The following AGAP1 variants were observed in gnomAD, a reference collection of about 807,000 sequenced individuals.
AGAP1 encodes the protein arf-GAP with GTPase, ANK repeat and PH domain-containing protein 1.
AGAP1 carries 29 observed loss-of-function variants against 105.3 expected under a neutral mutation model. The observed-to-expected ratio is 0.28, with a 90% CI of 0.21 to 0.38. AGAP1 has a LOEUF of 0.38. AGAP1 is among the 10% of genes least tolerant of loss of function. The pLI, the probability that AGAP1 is intolerant of heterozygous loss-of-function variation, is 1.00. For synonymous variants in AGAP1, 509 were observed against 485.9 expected, an observed-to-expected ratio of 1.05 and a Z score of -0.63; for missense variants, 998 against 1,165.1, an observed-to-expected ratio of 0.86 and a Z score of 2.09.
intron 9 of AGAP1, among the ~76,000 whole-genome samples, chr2:235,847,008 A>G (rs1252760767): frequency 1.3e-5 from 2 of 152,208 alleles, no homozygotes; most frequent in Non-Finnish European, 2.9e-5. Flanking sequence ...ATTGCTTGAC[A>G]TGTCCCAGGT....
intron 9 of AGAP1, among the ~76,000 whole-genome samples, chr2:235,844,893 T>G (rs1961294314): frequency 6.6e-6 from 1 of 152,194 alleles, no homozygotes; most frequent in Non-Finnish European, 1.5e-5. Flanking sequence ...AAGATGGCCT[T>G]CTGTAAGACA....
At chr2:235,773,022 AG>A (rs536722898) in intron 6 of AGAP1, among the ~76,000 whole-genome samples, 82 of 152,326 alleles carry the variant, frequency 5.4e-4, no homozygotes, top group Admixed American at 1.6e-3. Context: ...GAGGGGGTCC[AG>A]GTTTTTGGCC....
intron 16 of AGAP1, among the ~76,000 whole-genome samples, chr2:236,115,709 T>C (rs2059753876): frequency 6.6e-6 from 1 of 152,200 alleles, no homozygotes; most frequent in African/African-American, 2.4e-5. Flanking sequence ...CAAAGCCCAG[T>C]GGCTGCCCCA....
chr2:235,612,102 G>A lies in AGAP1; in HGVS notation c.164-97077G>A, dbSNP rs147693142. Among the ~76,000 whole-genome samples the A allele has an allele frequency of 7.2e-4, 110 of 152,294 alleles. No homozygotes were observed. The highest frequency in any genetic ancestry group is 2.5e-3 in the African/African-American group (105 of 41,564). ...CATGCTTTATTTTCTACTTGTAATC[G>A]TAATCTGAGTGCAATTTCAGGACTT... On this transcript the variant is annotated intron_variant, in intron 1 of 17. Transcript: ENST00000304032. The surrounding 1 kb of genome is among the most constrained non-coding windows in gnomAD (Gnocchi z 4.3).
chr2:235,583,658 G>A (rs1162285288), intron 1 of AGAP1, among the ~76,000 whole-genome samples: 1 of 149,864 alleles, frequency 6.7e-6, no homozygotes, highest in East Asian at 2.0e-4. Flanking sequence ...AGGTGGATCA[G>A]TTGAGGCCAG....
Position 235,741,002 on chromosome 2 carries a change from G to C in AGAP1, c.350G>C (p.Ser117Thr), listed in dbSNP as rs749594933. The change falls in exon 4 of 18, where the codon AGC becomes ACC. Residue 117 changes from serine (S) to threonine (T), a missense_variant. Ser to Thr is a moderately conservative substitution (Grantham distance 58, BLOSUM62 1). This residue lies in a region of AGAP1 where 735 missense variants were observed against 833.4 expected (regional missense o/e 0.88). Transcript: ENST00000304032. The surrounding 1 kb of genome is among the most constrained non-coding windows in gnomAD (Gnocchi z 4.9). ...FKKEIVVDGQ[S>T]YLLLIRDEGG... is the part of the protein sequence containing the mutation. ...AAAGAGATTGTCGTTGATGGACAGA[G>C]CTATCTGCTGCTGATCAGAGATGAA... 6.2e-7 allele frequency: 1 copy of C among 1,614,204 alleles called. No homozygotes were observed. The highest frequency in any genetic ancestry group is 1.1e-5 in the South Asian group (1 of 91,090).
At position 236,062,412 on chromosome 2, in the gene AGAP1, T is replaced by C. The variant is rs1305694789; in HGVS notation, c.2114+13131T>C. Among the ~76,000 whole-genome samples the C allele has an allele frequency of 6.6e-6, 1 of 151,976 alleles. No homozygotes were observed. The highest frequency in any genetic ancestry group is 1.5e-5 in the Non-Finnish European group (1 of 68,006). On this transcript the variant is annotated intron_variant, in intron 16 of 17. Transcript: ENST00000304032. The surrounding 1 kb of genome is among the most constrained non-coding windows in gnomAD (Gnocchi z 4.2). ...GCAGAGCCAGGCTGGTATGGGATTC[T>C]AGGAGCATACTCAGGACTCGTATTT... is the stretch of plus-strand genomic sequence containing the variant.
intron 10 of AGAP1, among the ~76,000 whole-genome samples, chr2:235,886,010 T>C (rs2050258184): frequency 1.3e-5 from 2 of 152,182 alleles, no homozygotes; most frequent in African/African-American, 4.8e-5. Flanking sequence ...TGGGACCAGG[T>C]TGGCATCTCT....
chr2:235,774,687 G>A (rs1055427945), intron 6 of AGAP1, among the ~76,000 whole-genome samples: 4 of 152,160 alleles, frequency 2.6e-5, no homozygotes, highest in Non-Finnish European at 5.9e-5. Context: ...TCTTTATGGC[G>A]GTACTTTGAT....
At chr2:235,839,712 C>A (rs1290187513) in intron 9 of AGAP1, among the ~76,000 whole-genome samples, 5 of 152,198 alleles carry the variant, frequency 3.3e-5, no homozygotes, top group African/African-American at 1.2e-4. Flanking sequence ...TAAGAACAAC[C>A]ACTTTAGAAG....
intron 1 of AGAP1, among the ~76,000 whole-genome samples, chr2:235,616,540 A>G (rs922092280): frequency 1.3e-5 from 2 of 152,104 alleles, no homozygotes; most frequent in Non-Finnish European, 2.9e-5. Context: ...AACCCTAACA[A>G]TGTATTTGAC....
intron 1 of AGAP1, among the ~76,000 whole-genome samples, chr2:235,504,626 G>A (rs1278919906): frequency 1.3e-5 from 2 of 152,114 alleles, no homozygotes; most frequent in African/African-American, 4.8e-5. Context: ...ATTTCTGTCG[G>A]GTGTGTGCTG....
At chr2:235,795,010 A>G (rs968420135) in intron 6 of AGAP1, among the ~76,000 whole-genome samples, 33 of 152,272 alleles carry the variant, frequency 2.2e-4, no homozygotes, top group African/African-American at 7.5e-4. Flanking sequence ...TAAACCTATT[A>G]ACATTTAAAT....
rs1944766566 is a variant in AGAP1 at position 235,577,343 on chromosome 2, A to C, written c.163+82494A>C. Among the ~76,000 whole-genome samples the C allele has an allele frequency of 1.3e-5, 2 of 152,162 alleles. No homozygotes were observed. The highest frequency in any genetic ancestry group is 1.3e-4 in the Admixed American group (2 of 15,268). On this transcript the variant is annotated intron_variant, in intron 1 of 17. Transcript: ENST00000304032. The surrounding 1 kb of genome is among the most constrained non-coding windows in gnomAD (Gnocchi z 4.5). Reference sequence around the variant, plus strand: ...ATTCATCGCACATTTCAATTCGGCCACATTTTAGTGCTCAGTAGCACCTGT... The same window carrying C: ...ATTCATCGCACATTTCAATTCGGCCCCATTTTAGTGCTCAGTAGCACCTGT...
chr2:235,745,106 A>G (rs1026950362), intron 5 of AGAP1, among the ~76,000 whole-genome samples: 2 of 151,910 alleles, frequency 1.3e-5, no homozygotes, highest in Admixed American at 6.6e-5. Context: ...TGTTTTCTGG[A>G]AAAAAAATAT....
At chr2:235,933,516 G>A (rs944055180) in intron 12 of AGAP1, among the ~76,000 whole-genome samples, 1 of 149,984 alleles carries the variant, frequency 6.7e-6, no homozygotes, top group Admixed American at 6.7e-5. Context: ...GGTCTTGGTT[G>A]ATTCCTGTAT....
intron 2 of AGAP1, among the ~76,000 whole-genome samples, chr2:235,711,510 G>A (rs139998778): frequency 2.0e-5 from 3 of 152,304 alleles, no homozygotes; most frequent in South Asian, 4.1e-4. Flanking sequence ...ATTCTGAAAC[G>A]GACTGTCTTA....
intron 1 of AGAP1, among the ~76,000 whole-genome samples, chr2:235,598,568 C>T (rs58745360): frequency 0.055 from 8,386 of 152,212 alleles, 464 homozygotes; most frequent in African/African-American, 0.14. Context: ...TACTGGATGA[C>T]GTGAAACTAA....
rs1949753145 is a variant in AGAP1, at chr2:235,691,948, T to C, written c.164-17231T>C. ...GACATGCAGCATATTGTGAAATGTT[T>C]CAGAGAAATAACAGCATCACGATAG... On this transcript the variant is annotated intron_variant, in intron 1 of 17. Coordinates refer to ENST00000304032, the MANE Select transcript of AGAP1 (RefSeq NM_001037131.3). The surrounding 1 kb of genome is among the most constrained non-coding windows in gnomAD (Gnocchi z 4.4). Among the ~76,000 whole-genome samples, 2 of 152,186 alleles carry C rather than the reference T, an allele frequency of 1.3e-5. No homozygotes were observed. Among genetic ancestry groups the C allele is most frequent in the South Asian group, 4.1e-4 (2 of 4,822 alleles).
Sources: allele counts gnomAD v4.1 joint callset (sites outside exome capture counted in the v4.1 genomes callset), GRCh38; gene constraint gnomAD v4.1.1; regional missense constraint gnomAD v4.1.1; non-coding constraint Gnocchi (gnomAD v3.1); transcripts MANE v1.5; gene names NCBI Gene and HGNC (gene_info 2026-07-23, HGNC 2026-07-21).